Variants in ZBTB16 observed in about 807,000 individuals in gnomAD.
ZBTB16 encodes the protein zinc finger and BTB domain containing 16.
Under a neutral mutation model 56.8 loss-of-function variants are expected in ZBTB16, and 8 were observed. The ratio of observed to expected loss-of-function variants is 0.14; its 90% CI spans 0.08 to 0.25. ZBTB16 has a LOEUF of 0.25. Ranked by LOEUF, ZBTB16 falls within the 10% of genes least tolerant of loss-of-function variation. The pLI is 1.00. For missense variants in ZBTB16, 625 were observed against 903.0 expected, an observed-to-expected ratio of 0.69 and a Z score of 3.95; for synonymous variants, 363 against 368.5, an observed-to-expected ratio of 0.98 and a Z score of 0.17.
intron 4 of ZBTB16, among the ~76,000 whole-genome samples, chr11:114,192,060 T>A (rs572712040): frequency 1.3e-5 from 2 of 152,246 alleles, no homozygotes; most frequent in East Asian, 3.9e-4. Flanking sequence ...AGCTGGGTGG[T>A]TTTCACTTGG....
chr11:114,072,912 C>T (rs1056047329), intron 2 of ZBTB16, among the ~76,000 whole-genome samples: 10 of 151,802 alleles, frequency 6.6e-5, no homozygotes, highest in Non-Finnish European at 1.3e-4. Context: ...ATTAGCCGGG[C>T]GTGGTGGGGG....
intron 4 of ZBTB16, among the ~76,000 whole-genome samples, chr11:114,219,906 A>G (rs1335816701): frequency 6.6e-6 from 1 of 152,106 alleles, no homozygotes; most frequent in Non-Finnish European, 1.5e-5. Context: ...CCCCATGTCT[A>G]AACCAGGCCA....
intron 3 of ZBTB16, among the ~76,000 whole-genome samples, chr11:114,182,182 G>A (rs969995030): frequency 6.6e-6 from 1 of 152,142 alleles, no homozygotes; most frequent in Non-Finnish European, 1.5e-5. Flanking sequence ...TTCCTGAGTA[G>A]CTGGGATTTT....
rs528473096 is a variant in ZBTB16, at chr11:114,064,196, G to T, written c.896G>T (p.Arg299Leu). The T allele has an allele frequency of 6.2e-7, 1 of 1,613,852 alleles. No individual in the cohort carries two copies. The change falls in exon 2 of 7, where the codon CGA becomes CTA. Residue 299 changes from arginine to leucine, a missense_variant. This residue lies in a region of ZBTB16 where 384 missense variants were observed against 393.5 expected (regional missense o/e 0.98). Transcript: ENST00000335953. The surrounding 1 kb of genome is among the most constrained non-coding windows in gnomAD (Gnocchi z 4.2). ...ITSARELHYG[R>L]EESAEQVPPP... ...AGTGCTAGGGAGCTACACTATGGGC[G>T]AGAGGAGAGTGCCGAGCAGGTGCCA...
intron 2 of ZBTB16, 57 bp from the exon 3 acceptor site, chr11:114,156,280 G>C (rs573180791): frequency 1.5e-5 from 24 of 1,573,218 alleles, no homozygotes; most frequent in Non-Finnish European, 4.4e-6. Flanking sequence ...GTAGGGGATG[G>C]CCCTGCCTCT....
chr11:114,174,843 C>T (rs1943065802), intron 3 of ZBTB16, among the ~76,000 whole-genome samples: 1 of 152,138 alleles, frequency 6.6e-6, no homozygotes, highest in African/African-American at 2.4e-5. Context: ...GAAGCCGTGC[C>T]ATAGACCCCA....
chr11:114,215,728 A>G (rs1327299632), intron 4 of ZBTB16, among the ~76,000 whole-genome samples: 3 of 152,236 alleles, frequency 2.0e-5, no homozygotes, highest in Non-Finnish European at 4.4e-5. Context: ...GCACATATAT[A>G]GATGCCCTTA....
chr11:114,117,430 G>A (rs1026889073), intron 2 of ZBTB16, among the ~76,000 whole-genome samples: 1 of 151,924 alleles, frequency 6.6e-6, no homozygotes, highest in East Asian at 1.9e-4. Flanking sequence ...CTAGGAGCCC[G>A]TCAAGTGGTC....
chr11:114,147,847 A>C (rs1402347342), intron 2 of ZBTB16, among the ~76,000 whole-genome samples: 1 of 152,182 alleles, frequency 6.6e-6, no homozygotes, highest in Non-Finnish European at 1.5e-5. Flanking sequence ...TTTCAATCAT[A>C]TTTGGCTACC....
intron 4 of ZBTB16, among the ~76,000 whole-genome samples, chr11:114,211,482 A>C (rs935239346): frequency 6.6e-6 from 1 of 152,198 alleles, no homozygotes; most frequent in African/African-American, 2.4e-5. Context: ...AACAGGATAC[A>C]CATGAAGTGC....
rs144506846 is a variant in ZBTB16 at position 114,182,242 on chromosome 11, G to C, written c.1367-4710G>C. On this transcript the variant is annotated intron_variant, in intron 3 of 6. Transcript: ENST00000335953. ...TTTTTGTATTTTTAGTAGAGATGGG[G>C]TTTCACCATGTTGGCCAGCTTAGTC... Among the ~76,000 whole-genome samples, 25 of 152,222 alleles carry C rather than the reference G, an allele frequency of 1.6e-4. No homozygotes were observed. The East Asian group carries it at 4.4e-3, about 27-fold the overall frequency.
chr11:114,089,774 G>T (rs1464969077), intron 2 of ZBTB16, among the ~76,000 whole-genome samples: 1 of 152,326 alleles, frequency 6.6e-6, no homozygotes, highest in Admixed American at 6.5e-5. Flanking sequence ...TTGTGAACCT[G>T]GTATAGGTAT....
At chr11:114,124,031 G>A (rs1339637832) in intron 2 of ZBTB16, among the ~76,000 whole-genome samples, 1 of 151,974 alleles carries the variant, frequency 6.6e-6, no homozygotes, top group Non-Finnish European at 1.5e-5. Flanking sequence ...ATTTCAACAG[G>A]GTTTCAGCAG....
At chr11:114,236,458 G>C (rs1443882603) in intron 4 of ZBTB16, among the ~76,000 whole-genome samples, 1 of 152,130 alleles carries the variant, frequency 6.6e-6, no homozygotes, top group Non-Finnish European at 1.5e-5. Flanking sequence ...CTGGGTTTTT[G>C]CTTCCGAGCA....
intron 3 of ZBTB16, among the ~76,000 whole-genome samples, chr11:114,182,611 G>A (rs1205917897): frequency 2.6e-5 from 4 of 152,314 alleles, no homozygotes; most frequent in South Asian, 2.1e-4. Context: ...CCTACTCCAG[G>A]TTGAGCCCCA....
At chr11:114,146,741 C>T (rs1942115838) in intron 2 of ZBTB16, among the ~76,000 whole-genome samples, 1 of 151,316 alleles carries the variant, frequency 6.6e-6, no homozygotes, top group Non-Finnish European at 1.5e-5. Flanking sequence ...CTCAGCTACT[C>T]TGGAGGCTGA....
Position 114,256,028 on chromosome 11 carries a change from T to TG in ZBTB16, c.*5473_*5474insG, listed in dbSNP as rs1392419398. Among the ~76,000 whole-genome samples the TG allele has an allele frequency of 2.5e-5, 3 of 119,230 alleles. No individual in the cohort carries two copies. The highest frequency in any genetic ancestry group is 8.2e-5 in the Admixed American group (1 of 12,182). 78.2% of individuals were successfully genotyped at this position (119,230 alleles called of 152,430 possible). ...AAGTACTTGGTTTTGTTTTGTTTTTTTTTTTTGTTTTTTTTGCCTTTTCTT... is the reference window on the plus strand; with the variant it reads ...AAGTACTTGGTTTTGTTTTGTTTTTTGTTTTTTGTTTTTTTTGCCTTTTCTT... On this transcript the variant is annotated 3_prime_UTR_variant, in exon 7 of 7. Transcript: ENST00000335953.
rs769333933 is a variant in ZBTB16 at position 114,176,069 on chromosome 11, C to T, written c.1367-10883C>T. 1.5e-4 allele frequency among the ~76,000 whole-genome samples: 23 copies of T among 151,326 alleles called. 1 individual carries two copies. Among genetic ancestry groups the T allele is most frequent in the South Asian group, 8.3e-4 (4 of 4,798 alleles). ...CCATATTTAGGGTGGGGGCCTGTGA[C>T]GGAGCATTCTGAAGTTGCTTCAGAA... On this transcript the variant is annotated intron_variant, in intron 3 of 6. Coordinates refer to ENST00000335953, the MANE Select transcript of ZBTB16 (RefSeq NM_006006.6).
chr11:114,139,129 A>G (rs1421700107), intron 2 of ZBTB16, among the ~76,000 whole-genome samples: 1 of 152,230 alleles, frequency 6.6e-6, no homozygotes, highest in African/African-American at 2.4e-5. Flanking sequence ...GATTTGTACA[A>G]TGCAAGTCTT....
Sources: gnomAD v4.1 joint callset for allele counts (sites outside exome capture counted in the v4.1 genomes callset) on GRCh38, gnomAD v4.1.1 for gene constraint, gnomAD v4.1.1 regional missense constraint, Gnocchi (gnomAD v3.1) non-coding constraint, MANE v1.5 for transcripts, NCBI Gene and HGNC (gene_info 2026-07-23, HGNC 2026-07-21) for gene names.